CNTNAP4: variants seen among roughly 807,000 people sequenced by gnomAD.
CNTNAP4 encodes contactin associated protein family member 4, also known as contactin-associated protein-like 4.
CNTNAP4 carries 98 observed loss-of-function variants against 148.4 expected under a neutral mutation model. That is an observed-to-expected ratio of 0.66 (90% confidence interval 0.56 to 0.78). The LOEUF is 0.78. Ranked by LOEUF, CNTNAP4 falls within the 30% of genes least tolerant of loss-of-function variation. CNTNAP4 has a pLI of 0.00. For synonymous variants in CNTNAP4, 730 were observed against 565.1 expected, an observed-to-expected ratio of 1.29 and a Z score of -4.14; for missense variants, 1,935 against 1,565.6, an observed-to-expected ratio of 1.24 and a Z score of -3.98.
chr16:76,325,610 A>G (rs987059974), intron 2 of CNTNAP4, among the ~76,000 whole-genome samples: 1 of 152,218 alleles, frequency 6.6e-6, no homozygotes, highest in Non-Finnish European at 1.5e-5. Context: ...ACTGCAAATC[A>G]GAATTGTGAG....
chr16:76,432,767 C>G (rs549381473), intron 4 of CNTNAP4, among the ~76,000 whole-genome samples: 1 of 152,236 alleles, frequency 6.6e-6, no homozygotes, highest in East Asian at 1.9e-4. Context: ...TTCCTTTTCT[C>G]TAGTTACTGT....
rs369468921 is a variant in CNTNAP4, at chr16:76,386,327, T to G, written c.390+30816T>G. Among the ~76,000 whole-genome samples the G allele has an allele frequency of 6.6e-5, 10 of 152,288 alleles. No individual in the cohort carries two copies. The East Asian group carries it at 1.9e-3, about 29-fold the overall frequency. On this transcript the variant is annotated intron_variant, in intron 3 of 23. Transcript: ENST00000611870. The stretch of plus-strand genomic sequence containing the variant: ...ACTAGCCTCGGGCAAAATAGTAAAA[T>G]GAGCAATTTTTTAAAATTGGAAACT...
At chr16:76,326,037 A>G (rs1283171574) in intron 2 of CNTNAP4, among the ~76,000 whole-genome samples, 1 of 152,218 alleles carries the variant, frequency 6.6e-6, no homozygotes, top group African/African-American at 2.4e-5. Flanking sequence ...ACTTCTTGCA[A>G]ACATATTTAA....
At chr16:76,467,668 G>GA (rs2081224989) in intron 10 of CNTNAP4, 145 bp downstream of exon 10, 3 of 754,134 alleles carry the variant, frequency 4.0e-6, no homozygotes, top group African/African-American at 3.6e-5. Flanking sequence ...TTAGAAATAA[G>GA]AAAAAATGCA....
chr16:76,464,182 C>G (rs1290751188), intron 9 of CNTNAP4, among the ~76,000 whole-genome samples: 1 of 152,150 alleles, frequency 6.6e-6, no homozygotes, highest in East Asian at 1.9e-4. Context: ...TCCAAGAAGC[C>G]CACTTAGGGG....
intron 2 of CNTNAP4, among the ~76,000 whole-genome samples, chr16:76,329,048 G>A (rs1441462904): frequency 6.6e-6 from 1 of 152,132 alleles, no homozygotes; most frequent in Non-Finnish European, 1.5e-5. Context: ...TAAAAAGTTT[G>A]TTAAAAACAC....
intron 3 of CNTNAP4, among the ~76,000 whole-genome samples, chr16:76,370,745 G>A (rs1336586667): frequency 1.3e-5 from 2 of 152,146 alleles, no homozygotes; most frequent in African/African-American, 2.4e-5. Context: ...AGAGGATGCA[G>A]GCAGAATCCA....
intron 3 of CNTNAP4, among the ~76,000 whole-genome samples, chr16:76,373,390 TTATC>T (rs1435432741): frequency 5.3e-5 from 8 of 152,172 alleles, no homozygotes; most frequent in African/African-American, 1.2e-4. Context: ...CTACATAGCT[TTATC>T]TATCCATATT....
At chr16:76,482,244 T>C (rs974671831) in intron 12 of CNTNAP4, among the ~76,000 whole-genome samples, 1 of 152,072 alleles carries the variant, frequency 6.6e-6, no homozygotes, top group African/African-American at 2.4e-5. Flanking sequence ...TTGTACAAGA[T>C]AATAGCACTG....
intron 1 of CNTNAP4, among the ~76,000 whole-genome samples, chr16:76,303,502 A>G (rs17647391): frequency 0.049 from 7,478 of 152,292 alleles, 279 homozygotes; most frequent in Non-Finnish European, 0.075. Flanking sequence ...CAGGTTGAAA[A>G]TATCAGTAAT....
At chr16:76,409,903 C>T (rs556120076) in intron 3 of CNTNAP4, among the ~76,000 whole-genome samples, 49 of 152,008 alleles carry the variant, frequency 3.2e-4, no homozygotes, top group African/African-American at 1.1e-3. Flanking sequence ...ACACAACAAT[C>T]ACAACTGCAT....
intron 2 of CNTNAP4, among the ~76,000 whole-genome samples, chr16:76,330,812 A>C (rs966530606): frequency 6.6e-6 from 1 of 152,252 alleles, no homozygotes; most frequent in Admixed American, 6.5e-5. Context: ...AACAGTAAGA[A>C]ATAGAAATTC....
chr16:76,350,333 A>G (rs1793823254), intron 2 of CNTNAP4, among the ~76,000 whole-genome samples: 1 of 152,146 alleles, frequency 6.6e-6, no homozygotes, highest in African/African-American at 2.4e-5. Flanking sequence ...GCCTCTGTAA[A>G]TACTTTTGTT....
intron 2 of CNTNAP4, among the ~76,000 whole-genome samples, chr16:76,353,887 A>G (rs139637373): frequency 6.6e-6 from 1 of 152,356 alleles, no homozygotes; most frequent in East Asian, 1.9e-4. Context: ...CAGGTCCTAC[A>G]ATGGCATACG....
chr16:76,371,388 C>T (rs894392959), intron 3 of CNTNAP4, among the ~76,000 whole-genome samples: 11 of 152,260 alleles, frequency 7.2e-5, no homozygotes, highest in South Asian at 4.1e-4. Context: ...CGGATTCAAG[C>T]GACTCTCCTG....
At chr16:76,414,660 T>C (rs1369780321) in intron 3 of CNTNAP4, among the ~76,000 whole-genome samples, 1 of 151,318 alleles carries the variant, frequency 6.6e-6, no homozygotes, top group South Asian at 2.1e-4. Flanking sequence ...GGCCTGCAAT[T>C]TTCTGTGTGA....
intron 3 of CNTNAP4, among the ~76,000 whole-genome samples, chr16:76,369,454 C>T (rs896303886): frequency 2.0e-5 from 3 of 152,136 alleles, no homozygotes; most frequent in African/African-American, 7.2e-5. Flanking sequence ...AGCAGGATAA[C>T]CAGGAAAGCT....
chr16:76,438,086 A>G (rs930657213), intron 4 of CNTNAP4, among the ~76,000 whole-genome samples: 1 of 152,206 alleles, frequency 6.6e-6, no homozygotes, highest in African/African-American at 2.4e-5. Flanking sequence ...CTTTTACCAA[A>G]GGACCAGCAG....
intron 15 of CNTNAP4, 53 bp from the exon 16 acceptor site, chr16:76,521,087 A>C: frequency 6.8e-7 from 1 of 1,474,636 alleles, no homozygotes. Context: ...ATTTTATTTC[A>C]TGAATTTGTT....
Sources: gnomAD v4.1 joint callset for allele counts (sites outside exome capture counted in the v4.1 genomes callset) on GRCh38, gnomAD v4.1.1 for gene constraint, MANE v1.5 for transcripts, NCBI Gene and HGNC (gene_info 2026-07-23, HGNC 2026-07-21) for gene names.